The following DLG2 variants were observed in gnomAD, a reference collection of about 807,000 sequenced individuals.
The protein encoded by DLG2 is discs large MAGUK scaffold protein 2.
Under a neutral mutation model 132.5 loss-of-function variants are expected in DLG2, and 45 were observed. The ratio of observed to expected loss-of-function variants is 0.34; its 90% CI spans 0.27 to 0.44. DLG2 has a LOEUF of 0.44. Ranked by LOEUF, DLG2 falls within the 20% of genes least tolerant of loss-of-function variation. The pLI is 1.00. For missense variants in DLG2, 1,045 were observed against 1,196.9 expected (o/e 0.87, Z 1.87); for synonymous variants, 424 against 419.6 (o/e 1.01, Z -0.13).
chr11:83,954,546 C>T (rs1239873891), intron 14 of DLG2, among the ~76,000 whole-genome samples: 1 of 152,146 alleles, frequency 6.6e-6, no homozygotes, highest in African/African-American at 2.4e-5. Context: ...AGAAATGCAA[C>T]ACAGAGCAAA....
At chr11:85,543,838 GTTTT>G (rs58853802) in intron 3 of DLG2, among the ~76,000 whole-genome samples, 2 of 148,810 alleles carry the variant, frequency 1.3e-5, no homozygotes, top group Non-Finnish European at 1.5e-5. Flanking sequence ...GGGGTTGTTT[GTTTT>G]TTTTTCTTGT....
chr11:85,413,679 GT>G (rs1463457620), intron 3 of DLG2, among the ~76,000 whole-genome samples: 1 of 151,890 alleles, frequency 6.6e-6, no homozygotes, highest in Non-Finnish European at 1.5e-5. Flanking sequence ...CACACTTTAT[GT>G]TTTGGTTTGC....
chr11:84,970,542 G>C (rs916652071), intron 6 of DLG2, among the ~76,000 whole-genome samples: 1 of 152,156 alleles, frequency 6.6e-6, no homozygotes, highest in Non-Finnish European at 1.5e-5. Context: ...TGACTGCTGA[G>C]GGCTCTCTTC....
intron 6 of DLG2, among the ~76,000 whole-genome samples, chr11:84,543,677 A>T (rs1186402351): frequency 1.3e-5 from 2 of 152,198 alleles, no homozygotes; most frequent in Non-Finnish European, 2.9e-5. Flanking sequence ...ACCCTTTAAA[A>T]AAACAATGAC....
chr11:84,703,551 A>C (rs1472452624), intron 6 of DLG2, among the ~76,000 whole-genome samples: 1 of 151,456 alleles, frequency 6.6e-6, no homozygotes, highest in Non-Finnish European at 1.5e-5. Context: ...GAGATAAACA[A>C]ATAAAGCTCA....
intron 18 of DLG2, among the ~76,000 whole-genome samples, chr11:83,742,730 T>C (rs1033211948): frequency 6.6e-6 from 1 of 152,204 alleles, no homozygotes; most frequent in Non-Finnish European, 1.5e-5. Context: ...CTTCCCAAAA[T>C]ACCTTTCATC....
At chr11:84,157,099 G>C (rs964764084) in intron 9 of DLG2, among the ~76,000 whole-genome samples, 1 of 152,012 alleles carries the variant, frequency 6.6e-6, no homozygotes, top group Non-Finnish European at 1.5e-5. Context: ...CACGGTTTGA[G>C]TAGATATTTG....
rs144581225 is a variant in DLG2 at position 85,247,873 on chromosome 11, C to T, written c.186+37347G>A. On this transcript the variant is annotated intron_variant, in intron 4 of 27. Transcript: ENST00000376104. ...TGATCCTTCTATTTCAATGTCTCAG[C>T]AACTCAGAGCCACATTTTACAATCA... is the stretch of plus-strand genomic sequence containing the variant. Among the ~76,000 whole-genome samples, 57 of 152,186 alleles carry T rather than the reference C, an allele frequency of 3.7e-4. 2 individuals are homozygous for T. The highest frequency in any genetic ancestry group is 1.1e-3 in the African/African-American group (47 of 41,556).
intron 8 of DLG2, among the ~76,000 whole-genome samples, chr11:84,243,017 C>CTCTCTCTCTCTATATATATA (rs542476924): frequency 1.4e-5 from 2 of 142,206 alleles, no homozygotes; most frequent in East Asian, 4.2e-4. Flanking sequence ...CTCTCTCTCT[C>CTCTCTCTCTCTATATATATA]TATATATATA....
rs188978744 is a variant in DLG2, at chr11:83,749,645, G to C, written c.1825+37045C>G. 2.6e-5 allele frequency among the ~76,000 whole-genome samples: 4 copies of C among 152,210 alleles called. No individual in the cohort carries two copies. The East Asian group carries it at 7.7e-4, about 29-fold the overall frequency. ...CTTTGAGTTTAAGCACTAACAGAGA[G>C]AAATGCATCTCTAAGATGCAATTTC... is the stretch of plus-strand genomic sequence containing the variant. On this transcript the variant is annotated intron_variant, in intron 18 of 27. Coordinates refer to ENST00000376104, the MANE Select transcript of DLG2 (RefSeq NM_001142699.3).
intron 14 of DLG2, among the ~76,000 whole-genome samples, chr11:83,959,067 C>T (rs142327167): frequency 2.6e-5 from 4 of 152,210 alleles, no homozygotes; most frequent in African/African-American, 9.6e-5. Flanking sequence ...CAGATATCTA[C>T]ATCACAATGA....
chr11:85,187,439 C>G (rs895282675), intron 4 of DLG2, among the ~76,000 whole-genome samples: 1 of 151,882 alleles, frequency 6.6e-6, no homozygotes, highest in Non-Finnish European at 1.5e-5. Flanking sequence ...GCCAATTCTG[C>G]TTTTAATGTT....
chr11:85,234,264 C>T (rs1646718773), intron 4 of DLG2, among the ~76,000 whole-genome samples: 1 of 151,928 alleles, frequency 6.6e-6, no homozygotes, highest in African/African-American at 2.4e-5. Context: ...TGGATAATAA[C>T]AGATGCTCAG....
chr11:85,257,048 A>C (rs1268521024), intron 4 of DLG2, among the ~76,000 whole-genome samples: 1 of 152,248 alleles, frequency 6.6e-6, no homozygotes, highest in African/African-American at 2.4e-5. Context: ...TAAATGTAGA[A>C]AATGAAAGAA....
intron 7 of DLG2, among the ~76,000 whole-genome samples, chr11:84,296,534 G>T (rs1691033392): frequency 6.6e-6 from 1 of 152,118 alleles, no homozygotes; most frequent in Admixed American, 6.6e-5. Context: ...AAACTCCTGG[G>T]CTCAAGGGAT....
intron 15 of DLG2, among the ~76,000 whole-genome samples, chr11:83,876,698 G>A (rs1197217159): frequency 1.3e-5 from 2 of 152,024 alleles, no homozygotes; most frequent in Non-Finnish European, 1.5e-5. Context: ...CAAATGTGGA[G>A]CCAGAGTCCA....
intron 18 of DLG2, among the ~76,000 whole-genome samples, chr11:83,754,357 T>C (rs2093562648): frequency 6.6e-6 from 1 of 151,214 alleles, no homozygotes; most frequent in Admixed American, 6.6e-5. Context: ...GTCAAGTATA[T>C]CCAATAAGAG....
At chr11:83,821,934 A>G (rs2050930545) in intron 17 of DLG2, among the ~76,000 whole-genome samples, 1 of 152,204 alleles carries the variant, frequency 6.6e-6, no homozygotes, top group Admixed American at 6.5e-5. Context: ...CTCAAAGGAG[A>G]TAACTCTTCT....
chr11:85,416,733 GCTCT>G (rs1418618549), intron 3 of DLG2, among the ~76,000 whole-genome samples: 1 of 152,052 alleles, frequency 6.6e-6, no homozygotes, highest in Non-Finnish European at 1.5e-5. Context: ...TCATGATTTG[GCTCT>G]CTGTTTGTCT....
Sources: gnomAD v4.1 joint callset for allele counts (sites outside exome capture counted in the v4.1 genomes callset) on GRCh38, gnomAD v4.1.1 for gene constraint, MANE v1.5 for transcripts, NCBI Gene and HGNC (gene_info 2026-07-23, HGNC 2026-07-21) for gene names.